The following SAXO1 variants were observed in gnomAD, a reference collection of about 807,000 sequenced individuals.
The protein encoded by SAXO1 is 4930500O09Rik.
SAXO1 carries 21 observed loss-of-function variants against 17.5 expected under a neutral mutation model. That is an observed-to-expected ratio of 1.20 (90% CI 0.85 to 1.72). The LOEUF (loss-of-function observed/expected upper bound fraction) is 1.72. SAXO1 is among the 40% of genes most tolerant of loss of function. The probability of loss-of-function intolerance (pLI) is 0.00; values close to 1 mark genes in which losing one functional copy is unlikely to be tolerated. For missense variants in SAXO1, 843 were observed against 596.0 expected, an observed-to-expected ratio of 1.41 and a Z score of -4.32; for synonymous variants, 274 against 216.5, an observed-to-expected ratio of 1.27 and a Z score of -2.33.
chr9:19,025,439 G>A (rs550541075), intron 1 of SAXO1, among the ~76,000 whole-genome samples: 1 of 151,890 alleles, frequency 6.6e-6, no homozygotes, highest in South Asian at 2.1e-4. Context: ...AATTTCCATC[G>A]ATATGAAGAA....
intron 1 of SAXO1, among the ~76,000 whole-genome samples, chr9:19,045,033 G>A (rs1002742805): frequency 3.3e-5 from 5 of 151,962 alleles, no homozygotes; most frequent in South Asian, 2.1e-4. Context: ...TTAGACGGCC[G>A]GGCGCGGTGG....
At chr9:18,966,393 G>T (rs1376954662) in intron 1 of SAXO1, among the ~76,000 whole-genome samples, 1 of 152,056 alleles carries the variant, frequency 6.6e-6, no homozygotes, top group Non-Finnish European at 1.5e-5. Flanking sequence ...AAGTGGGTTT[G>T]GTCTTTTCAT....
intron 1 of SAXO1, among the ~76,000 whole-genome samples, chr9:18,961,335 T>TA (rs1270707721): frequency 6.6e-6 from 1 of 151,644 alleles, no homozygotes; most frequent in Non-Finnish European, 1.5e-5. Flanking sequence ...CACGCCTGGC[T>TA]AATTGTTTTT....
intron 1 of SAXO1, among the ~76,000 whole-genome samples, chr9:18,977,574 G>A (rs545638995): frequency 6.6e-6 from 1 of 152,094 alleles, no homozygotes; most frequent in Non-Finnish European, 1.5e-5. Context: ...GTTCATGTTT[G>A]TTTTCCACTA....
Position 18,928,595 on chromosome 9 carries a change from G to A in SAXO1, c.882C>T (p.Tyr294=), listed in dbSNP as rs150110324. The change falls in exon 4 of 4, where the codon TAC becomes TAT. Residue 294 remains tyrosine, a synonymous_variant. Transcript: ENST00000380534. ...PRMFSKAPIT[Y]VPPEDRMDLL... is the part of the protein sequence containing the mutation. ...GATCCATCCTGTCTTCGGGAGGGAC[G>A]TAGGTGATGGGAGCTTTGGAGAACA... 32 of 1,614,168 alleles carry A rather than the reference G, an allele frequency of 2.0e-5. No individual in the cohort carries two copies. In the African/African-American group the frequency reaches 2.9e-4, roughly 15 times the overall value.
intron 1 of SAXO1, among the ~76,000 whole-genome samples, chr9:18,966,068 GGC>G (rs1832703648): frequency 6.6e-6 from 1 of 152,146 alleles, no homozygotes; most frequent in Non-Finnish European, 1.5e-5. Flanking sequence ...GTTAAATACT[GGC>G]CTCCACTCTC....
chr9:18,952,096 G>A (rs1161325937), intron 1 of SAXO1, among the ~76,000 whole-genome samples: 1 of 152,216 alleles, frequency 6.6e-6, no homozygotes. Flanking sequence ...CAGCTGGACT[G>A]AGTCAGCTAT....
chr9:18,961,720 C>G (rs1391779378), intron 1 of SAXO1, among the ~76,000 whole-genome samples: 2 of 152,230 alleles, frequency 1.3e-5, no homozygotes, highest in African/African-American at 4.8e-5. Flanking sequence ...GCCACATTTT[C>G]TTAATCCAGT....
At position 18,941,712 on chromosome 9, in the gene SAXO1, G is replaced by A. The variant is rs755473119; in HGVS notation, c.346C>T (p.Arg116Ter). 8.7e-6 allele frequency: 14 copies of A among 1,613,976 alleles called. No homozygotes were observed. The highest frequency in any genetic ancestry group is 3.3e-4 in the Middle Eastern group (2 of 6,084). Residue 116 changes from arginine to a stop codon, truncating the protein, a stop_gained, in exon 3 of 4, where the codon CGA becomes TGA. Coordinates refer to ENST00000380534, the MANE Select transcript of SAXO1 (RefSeq NM_153707.4). LOFTEE classifies it high-confidence loss of function. Reference protein sequence around the residue: ...KKDYNPYPVCRVDPIKPRDSK... With the variant: ...KKDYNPYPVC ...TCCCGAGGTTTGATGGGGTCCACTC[G>A]ACAGACAGGGTAGGGATTGTAATCT...
chr9:18,992,359 G>C (rs1180459553), intron 1 of SAXO1, among the ~76,000 whole-genome samples: 2 of 152,176 alleles, frequency 1.3e-5, no homozygotes, highest in African/African-American at 4.8e-5. Context: ...TTCTCCCTGT[G>C]TCTTCACATT....
At chr9:18,996,877 C>A (rs954446040) in intron 1 of SAXO1, among the ~76,000 whole-genome samples, 1 of 151,914 alleles carries the variant, frequency 6.6e-6, no homozygotes, top group South Asian at 2.1e-4. Flanking sequence ...TAAAAGGCAT[C>A]CAATTGGAAA....
chr9:18,962,926 T>C (rs1416489495), intron 1 of SAXO1, among the ~76,000 whole-genome samples: 1 of 152,196 alleles, frequency 6.6e-6, no homozygotes, highest in Non-Finnish European at 1.5e-5. Flanking sequence ...GTTTTTATGG[T>C]TTTACGTCTT....
At chr9:18,976,365 T>A (rs954696759) in intron 1 of SAXO1, among the ~76,000 whole-genome samples, 4 of 152,176 alleles carry the variant, frequency 2.6e-5, no homozygotes, top group Admixed American at 2.0e-4. Flanking sequence ...GGGAGAGAGC[T>A]CTTGCTACAA....
At chr9:19,000,205 C>G (rs1563972459) in intron 1 of SAXO1, among the ~76,000 whole-genome samples, 1 of 149,702 alleles carries the variant, frequency 6.7e-6, no homozygotes, top group Non-Finnish European at 1.5e-5. Flanking sequence ...CGCCTCCACC[C>G]GGTCGCCCAA....
rs59130303 is a variant in SAXO1 at position 19,004,925 on chromosome 9, A to G, written c.38+27946T>C. On this transcript the variant is annotated intron_variant, in intron 1 of 3. Transcript: ENST00000380534. The stretch of plus-strand genomic sequence containing the variant: ...AAAATTCTAAAAACTCTTTGAACTA[A>G]TAAATGAACCCAGGAAAGAGGTGCA... 8.2e-3 allele frequency among the ~76,000 whole-genome samples: 1,256 copies of G among 152,340 alleles called. 18 individuals carry two copies. Among genetic ancestry groups the G allele is most frequent in the African/African-American group, 0.029 (1,186 of 41,572 alleles).
At chr9:18,967,215 C>A (rs577927683) in intron 1 of SAXO1, among the ~76,000 whole-genome samples, 1 of 152,180 alleles carries the variant, frequency 6.6e-6, no homozygotes, top group African/African-American at 2.4e-5. Flanking sequence ...AGCCAGGAGG[C>A]CTGGGGGTCA....
At position 18,999,578 on chromosome 9, in the gene SAXO1, A is replaced by G. The variant is rs1219602873; in HGVS notation, c.38+33293T>C. 3.5e-4 allele frequency among the ~76,000 whole-genome samples: 44 copies of G among 126,828 alleles called. 1 individual carries two copies. Among genetic ancestry groups the G allele is most frequent in the African/African-American group, 1.2e-3 (41 of 32,954 alleles). The allele number at this position is 126,828 out of a possible 152,430, so 83.2% of individuals were successfully genotyped here. A position where few individuals can be genotyped will look rare whatever the true frequency, so the allele number is the denominator to read the frequency against. On this transcript the variant is annotated intron_variant, in intron 1 of 3. Transcript: ENST00000380534. The stretch of plus-strand genomic sequence containing the variant: ...AGCGCCGCTGCCTGGCCGCCACACC[A>G]TCTGGGAAGTGAGGAGCGCCTCTGC...
At chr9:18,976,443 A>T (rs1833153556) in intron 1 of SAXO1, among the ~76,000 whole-genome samples, 2 of 152,246 alleles carry the variant, frequency 1.3e-5, no homozygotes. Flanking sequence ...TGTTGTGGCC[A>T]GAAACTTGGT....
intron 3 of SAXO1, among the ~76,000 whole-genome samples, chr9:18,937,121 T>C (rs1293987408): frequency 6.6e-6 from 1 of 152,096 alleles, no homozygotes; most frequent in African/African-American, 2.4e-5. Flanking sequence ...AAGCAGCAAA[T>C]TTTCACAAGA....
Sources: gnomAD v4.1 joint callset for allele counts (sites outside exome capture counted in the v4.1 genomes callset) on GRCh38, gnomAD v4.1.1 for gene constraint, MANE v1.5 for transcripts, NCBI Gene and HGNC (gene_info 2026-07-23, HGNC 2026-07-21) for gene names.